Variants in CRB1 observed in about 807,000 individuals in gnomAD.
CRB1 encodes the protein protein crumbs homolog 1.
A neutral mutation model predicts 120.0 loss-of-function variants in CRB1; 83 were observed. That is an observed-to-expected ratio of 0.69 (90% CI 0.58 to 0.83). The LOEUF is 0.83. CRB1 is among the 40% of genes least tolerant of loss of function. The pLI is 0.00. For synonymous variants in CRB1, 625 were observed against 612.5 expected (o/e 1.02, Z -0.30); for missense variants, 1,699 against 1,687.6 (o/e 1.01, Z -0.12).
At chr1:197,340,713 T>A (rs1659403455) in intron 2 of CRB1, among the ~76,000 whole-genome samples, 1 of 152,040 alleles carries the variant, frequency 6.6e-6, no homozygotes, top group African/African-American at 2.4e-5. Context: ...TTGGATGACC[T>A]GGATGATAAT....
At chr1:197,250,504 C>T in the CRB1 span, among the ~76,000 whole-genome samples, 1 of 151,884 alleles carries the variant, frequency 6.6e-6, no homozygotes, top group Non-Finnish European at 1.5e-5. Flanking sequence ...CTATTAATGT[C>T]GTCTTTCTGA....
At chr1:197,477,488 T>C in intron 11 of CRB1, 176 bp from the exon 12 acceptor site, 1 of 710,128 alleles carries the variant, frequency 1.4e-6, no homozygotes, top group Non-Finnish European at 2.6e-6. Context: ...TATGATTATT[T>C]GTAAATGATT....
the CRB1 span, among the ~76,000 whole-genome samples, chr1:197,223,547 A>T: frequency 1.3e-5 from 2 of 152,192 alleles, no homozygotes; most frequent in South Asian, 4.1e-4. Context: ...AAATTAAAAC[A>T]TTTAGAATAG....
the CRB1 span, among the ~76,000 whole-genome samples, chr1:197,212,807 C>CA: frequency 6.6e-6 from 1 of 151,944 alleles, no homozygotes; most frequent in Admixed American, 6.6e-5. Flanking sequence ...AACAGAGACA[C>CA]ACAATGAAAC....
chr1:197,299,658 G>C (rs541263848), intron 1 of CRB1, among the ~76,000 whole-genome samples: 1 of 152,238 alleles, frequency 6.6e-6, no homozygotes, highest in Admixed American at 6.5e-5. Flanking sequence ...TTATATAACA[G>C]GTTGTTAGAG....
intron 4 of CRB1, among the ~76,000 whole-genome samples, chr1:197,351,382 A>AAAAAG (rs1660095273): frequency 7.2e-6 from 1 of 138,906 alleles, no homozygotes; most frequent in Non-Finnish European, 1.5e-5. Flanking sequence ...AAAAAAAAAA[A>AAAAAG]AAAAGGAGAA....
intron 2 of CRB1, among the ~76,000 whole-genome samples, chr1:197,340,934 G>A (rs545408095): frequency 7.2e-5 from 11 of 152,232 alleles, no homozygotes; most frequent in South Asian, 2.1e-4. Flanking sequence ...GGGAGGTCTC[G>A]CAATCATGGC....
At chr1:197,336,165 C>A (rs901832157) in intron 2 of CRB1, among the ~76,000 whole-genome samples, 65 of 152,264 alleles carry the variant, frequency 4.3e-4, no homozygotes, top group African/African-American at 1.4e-3. Flanking sequence ...GGGCCTTCTC[C>A]AATAGTCCTC....
At chr1:197,286,479 T>C (rs953965549) in intron 1 of CRB1, among the ~76,000 whole-genome samples, 7 of 151,908 alleles carry the variant, frequency 4.6e-5, no homozygotes, top group African/African-American at 1.4e-4. Context: ...TTGATAACCA[T>C]AGACCTTAGA....
chr1:197,334,123 A>C (rs1571857602), intron 2 of CRB1, among the ~76,000 whole-genome samples: 1 of 152,188 alleles, frequency 6.6e-6, no homozygotes, highest in East Asian at 1.9e-4. Context: ...GGGGTCCAAG[A>C]ATATGCATTT....
intron 5 of CRB1, among the ~76,000 whole-genome samples, chr1:197,420,474 TC>T (rs1664248010): frequency 6.6e-6 from 1 of 152,148 alleles, no homozygotes; most frequent in Non-Finnish European, 1.5e-5. Context: ...ACCTTAGAAG[TC>T]CTTCATGGTG....
intron 11 of CRB1, among the ~76,000 whole-genome samples, chr1:197,469,267 T>G (rs1410236189): frequency 6.6e-6 from 1 of 152,188 alleles, no homozygotes; most frequent in African/African-American, 2.4e-5. Context: ...ATATTTGATA[T>G]GGACAGGTTT....
chr1:197,416,058 C>T (rs1663984286), intron 5 of CRB1, among the ~76,000 whole-genome samples: 1 of 152,224 alleles, frequency 6.6e-6, no homozygotes, highest in Admixed American at 6.5e-5. Context: ...TCTGCAGCAG[C>T]TACTGCCCAA....
the CRB1 span, among the ~76,000 whole-genome samples, chr1:197,240,995 GTTCTT>G: frequency 1.3e-5 from 2 of 152,102 alleles, no homozygotes; most frequent in East Asian, 3.9e-4. Flanking sequence ...TCATAAATGT[GTTCTT>G]TTGAGAAGTG....
At chr1:197,202,695 G>T in the CRB1 span, among the ~76,000 whole-genome samples, 11 of 152,114 alleles carry the variant, frequency 7.2e-5, no homozygotes, top group Non-Finnish European at 1.6e-4. Flanking sequence ...ATGAAATAGT[G>T]AAATATACAA....
intron 1 of CRB1, among the ~76,000 whole-genome samples, chr1:197,277,768 C>T (rs952288156): frequency 1.4e-4 from 21 of 151,894 alleles, no homozygotes; most frequent in Admixed American, 1.2e-3. Context: ...TCTATAAATG[C>T]ATCATTTAAA....
intron 5 of CRB1, among the ~76,000 whole-genome samples, chr1:197,407,130 C>G (rs1663452028): frequency 6.6e-6 from 1 of 152,132 alleles, no homozygotes; most frequent in South Asian, 2.1e-4. Context: ...ACTTTTTAAT[C>G]TTAAGATTGT....
intron 5 of CRB1, among the ~76,000 whole-genome samples, chr1:197,377,052 T>G (rs1166418626): frequency 6.6e-6 from 1 of 152,120 alleles, no homozygotes. Flanking sequence ...TAAATCTTTA[T>G]TCAAAGACCA....
intron 5 of CRB1, among the ~76,000 whole-genome samples, chr1:197,389,486 G>A (rs1186497756): frequency 6.6e-6 from 1 of 152,112 alleles, no homozygotes; most frequent in African/African-American, 2.4e-5. Context: ...TCCTGGAGTA[G>A]TTAATTTCAT....
Sources: allele counts gnomAD v4.1 joint callset (sites outside exome capture counted in the v4.1 genomes callset), GRCh38; gene constraint gnomAD v4.1.1; transcripts MANE v1.5; gene names NCBI Gene and HGNC (gene_info 2026-07-23, HGNC 2026-07-21).